The following CADPS2 variants were observed in gnomAD, a reference collection of about 807,000 sequenced individuals.
CADPS2 encodes calcium-dependent secretion activator 2.
In CADPS2, 93 loss-of-function variants were observed where a neutral mutation model predicts 172.5. The ratio of observed to expected loss-of-function variants is 0.54; its 90% CI spans 0.46 to 0.64. CADPS2 has a LOEUF of 0.64. Ranked by LOEUF, CADPS2 falls within the 30% of genes least tolerant of loss-of-function variation. The pLI is 0.00. For missense variants in CADPS2, 1,420 were observed against 1,565.9 expected (o/e 0.91, Z 1.57); for synonymous variants, 546 against 555.2 (o/e 0.98, Z 0.23).
At chr7:122,681,866 A>G (rs2083087498) in intron 2 of CADPS2, among the ~76,000 whole-genome samples, 2 of 152,042 alleles carry the variant, frequency 1.3e-5, no homozygotes, top group African/African-American at 4.8e-5. Context: ...AAGAACTGAG[A>G]TGAGTCTAGA....
At chr7:122,794,423 T>A (rs1795932060) in intron 1 of CADPS2, among the ~76,000 whole-genome samples, 1 of 152,128 alleles carries the variant, frequency 6.6e-6, no homozygotes, top group Admixed American at 6.6e-5. Context: ...CATTATAAAA[T>A]TCTTGTAGTG....
intron 1 of CADPS2, among the ~76,000 whole-genome samples, chr7:122,750,449 GACA>G (rs2092904124): frequency 1.3e-5 from 2 of 151,980 alleles, no homozygotes; most frequent in Non-Finnish European, 2.9e-5. Context: ...CTATGTCTTT[GACA>G]ACATCTTCCT....
chr7:122,728,271 A>G (rs2091303254), intron 2 of CADPS2, among the ~76,000 whole-genome samples: 2 of 151,934 alleles, frequency 1.3e-5, no homozygotes, highest in African/African-American at 4.8e-5. Context: ...AAAGTAAGGT[A>G]ATTACATAAA....
At chr7:122,527,617 A>AGAGAGAGAGAGAGAGCGTGTGTGTGT in intron 8 of CADPS2, among the ~76,000 whole-genome samples, 1 of 83,806 alleles carries the variant, frequency 1.2e-5, no homozygotes, top group Non-Finnish European at 2.6e-5. Flanking sequence ...AGAGAGAGAG[A>AGAGAGAGAGAGAGAGCGTGTGTGTGT]GTGTGTGTGT....
chr7:122,453,041 G>C (rs1287487343), intron 14 of CADPS2, among the ~76,000 whole-genome samples: 1 of 151,942 alleles, frequency 6.6e-6, no homozygotes. Context: ...TTCCAATATA[G>C]AGTACATAAT....
chr7:122,850,159 G>T, intron 1 of CADPS2: 1 of 1,144,202 alleles, frequency 8.7e-7, no homozygotes, highest in Non-Finnish European at 1.2e-6. Flanking sequence ...GCGTATCTGT[G>T]GCTTCCCACA....
At chr7:122,610,568 T>A (rs1044127232) in intron 6 of CADPS2, among the ~76,000 whole-genome samples, 3 of 152,114 alleles carry the variant, frequency 2.0e-5, no homozygotes, top group Non-Finnish European at 1.5e-5. Flanking sequence ...AGGAATAGAC[T>A]GCAAATGGCC....
intron 2 of CADPS2, chr7:122,697,572 T>C: frequency 4.1e-6 from 2 of 484,538 alleles, no homozygotes; most frequent in South Asian, 3.9e-5. Context: ...GTAACATACA[T>C]TGACAAAAAA....
At chr7:122,455,445 C>T (rs1191373921) in intron 14 of CADPS2, among the ~76,000 whole-genome samples, 1 of 151,398 alleles carries the variant, frequency 6.6e-6, no homozygotes, top group African/African-American at 2.4e-5. Flanking sequence ...TTATTGATGG[C>T]CACTGTACAT....
intron 1 of CADPS2, among the ~76,000 whole-genome samples, chr7:122,778,985 C>T (rs1051574264): frequency 6.6e-6 from 1 of 152,082 alleles, no homozygotes; most frequent in Non-Finnish European, 1.5e-5. Flanking sequence ...TTCCCATGCT[C>T]TTCTTGTGAT....
chr7:122,613,447 A>G (rs2074524680), intron 6 of CADPS2, among the ~76,000 whole-genome samples: 1 of 152,128 alleles, frequency 6.6e-6, no homozygotes, highest in Admixed American at 6.6e-5. Flanking sequence ...ATATATATAT[A>G]TGGAAGATAT....
chr7:122,734,388 A>AAAAAAAAAAAAAAAAAAAAAAAAAAAT (rs2091976264), intron 2 of CADPS2, among the ~76,000 whole-genome samples: 1 of 57,500 alleles, frequency 1.7e-5, no homozygotes, highest in Non-Finnish European at 3.8e-5. Flanking sequence ...AAAAAAAAAG[A>AAAAAAAAAAAAAAAAAAAAAAAAAAAT]AAAAAAAAAA....
intron 1 of CADPS2, among the ~76,000 whole-genome samples, chr7:122,743,020 C>T (rs2092567800): frequency 6.6e-6 from 1 of 152,034 alleles, no homozygotes; most frequent in African/African-American, 2.4e-5. Flanking sequence ...ATTTTGTCTT[C>T]AGACTACTGT....
At chr7:122,481,851 A>C (rs569484415) in intron 11 of CADPS2, among the ~76,000 whole-genome samples, 1 of 152,156 alleles carries the variant, frequency 6.6e-6, no homozygotes, top group East Asian at 1.9e-4. Context: ...TCTCTACTAA[A>C]AATACAAAAA....
intron 17 of CADPS2, among the ~76,000 whole-genome samples, chr7:122,420,259 A>C (rs552923556): frequency 5.5e-4 from 84 of 152,324 alleles, no homozygotes; most frequent in Non-Finnish European, 1.0e-3. Flanking sequence ...CACAGAACCA[A>C]CCTCAGAACT....
At chr7:122,846,156 G>A (rs373093952) in intron 1 of CADPS2, among the ~76,000 whole-genome samples, 5 of 152,208 alleles carry the variant, frequency 3.3e-5, no homozygotes, top group Admixed American at 6.5e-5. Context: ...TAAAATTAAA[G>A]TGCTAAGGAT....
chr7:122,541,566 CAT>C (rs2062959036), intron 8 of CADPS2, among the ~76,000 whole-genome samples: 1 of 143,806 alleles, frequency 7.0e-6, no homozygotes, highest in Non-Finnish European at 1.5e-5. Context: ...AATGAATATA[CAT>C]ATATTCATAT....
chr7:122,549,194 T>G (rs2131845545), intron 8 of CADPS2, among the ~76,000 whole-genome samples: 1 of 152,214 alleles, frequency 6.6e-6, no homozygotes, highest in African/African-American at 2.4e-5. Flanking sequence ...TGCAGTAGTT[T>G]GAGTCCAGCC....
intron 3 of CADPS2, among the ~76,000 whole-genome samples, chr7:122,655,833 C>A (rs1043273273): frequency 2.0e-5 from 3 of 152,002 alleles, no homozygotes; most frequent in African/African-American, 4.8e-5. Context: ...TAAAATCAAT[C>A]AAAAATAATC....
Sources: gnomAD v4.1 joint callset for allele counts (sites outside exome capture counted in the v4.1 genomes callset) on GRCh38, gnomAD v4.1.1 for gene constraint, MANE v1.5 for transcripts, NCBI Gene and HGNC (gene_info 2026-07-23, HGNC 2026-07-21) for gene names.